Variants in MYO18B observed in about 807,000 individuals in gnomAD.
MYO18B encodes the protein unconventional myosin-XVIIIb.
MYO18B carries 204 observed loss-of-function variants against 273.0 expected under a neutral mutation model. The observed-to-expected ratio is 0.75, with a 90% CI of 0.67 to 0.84. The LOEUF (loss-of-function observed/expected upper bound fraction) is 0.84, where lower values mean the gene tolerates loss of function less well. MYO18B is among the 40% of genes least tolerant of loss of function. The probability of loss-of-function intolerance (pLI) is 0.00; values close to 1 mark genes in which losing one functional copy is unlikely to be tolerated. For synonymous variants in MYO18B, 1,330 were observed against 1,305.7 expected (o/e 1.02, Z -0.40); for missense variants, 3,212 against 3,287.6 (o/e 0.98, Z 0.56).
chr22:25,760,538 T>A (rs133873), intron 1 of MYO18B, among the ~76,000 whole-genome samples: 51,211 of 151,618 alleles, frequency 0.34, 10,271 homozygotes, highest in East Asian at 0.71. Context: ...GCTACAAGGC[T>A]TTTCCTAAGC....
intron 21 of MYO18B, among the ~76,000 whole-genome samples, chr22:25,866,674 G>A (rs12166783): frequency 0.2 from 30,015 of 149,926 alleles, 3,465 homozygotes; most frequent in East Asian, 0.39. Context: ...CCTCGTCTCT[G>A]TGAAAAATAC....
At chr22:25,857,613 C>G (rs1323232752) in intron 21 of MYO18B, among the ~76,000 whole-genome samples, 1 of 152,192 alleles carries the variant, frequency 6.6e-6, no homozygotes, top group African/African-American at 2.4e-5. Context: ...TTCATCATCC[C>G]TTTCTTGTTC....
the MYO18B span, among the ~76,000 whole-genome samples, chr22:26,037,306 C>T: frequency 6.6e-6 from 1 of 152,154 alleles, no homozygotes; most frequent in East Asian, 1.9e-4. Context: ...GAGAGGAGAC[C>T]CTATCTTTAG....
intron 42 of MYO18B, among the ~76,000 whole-genome samples, chr22:26,005,717 T>C (rs1048180490): frequency 6.6e-6 from 1 of 152,192 alleles, no homozygotes; most frequent in Admixed American, 6.5e-5. Flanking sequence ...ACTGGAAAAA[T>C]CACAGACTCA....
chr22:25,985,327 C>G lies in MYO18B; in HGVS notation c.6157-7036C>G, dbSNP rs960338466. Among the ~76,000 whole-genome samples, 5 of 152,044 alleles carry G rather than the reference C, an allele frequency of 3.3e-5. No individual in the cohort carries two copies. In the East Asian group the frequency reaches 7.7e-4, roughly 24 times the overall value. On this transcript the variant is annotated intron_variant, in intron 39 of 43. Transcript: ENST00000335473. Reference sequence around the variant, plus strand: ...AGTGAGCTGAGATCGTGCCACCGCACTTCAGCCTAGGTGACAGAGCAAGAT... The same window carrying G: ...AGTGAGCTGAGATCGTGCCACCGCAGTTCAGCCTAGGTGACAGAGCAAGAT...
chr22:25,860,941 T>G (rs1862445918), intron 21 of MYO18B, among the ~76,000 whole-genome samples: 1 of 151,860 alleles, frequency 6.6e-6, no homozygotes, highest in Non-Finnish European at 1.5e-5. Flanking sequence ...CTGGCTGGAG[T>G]GCAGTGGCAC....
At chr22:25,848,568 A>C (rs1455399721) in intron 20 of MYO18B, among the ~76,000 whole-genome samples, 1 of 152,178 alleles carries the variant, frequency 6.6e-6, no homozygotes, top group Non-Finnish European at 1.5e-5. Flanking sequence ...CACCAGGTCC[A>C]CCTGGGGAGA....
intron 1 of MYO18B, among the ~76,000 whole-genome samples, chr22:25,757,004 TGAGCC>T (rs1478765945): frequency 3.3e-5 from 5 of 152,062 alleles, no homozygotes; most frequent in Admixed American, 3.3e-4. Context: ...GAGGTTGCAG[TGAGCC>T]GAGATCGTGC....
intron 38 of MYO18B, 117 bp from the exon 39 acceptor site, chr22:25,955,062 T>C (rs1246891612): frequency 1.8e-6 from 2 of 1,106,100 alleles, no homozygotes; most frequent in Non-Finnish European, 1.3e-6. Context: ...ATCAGTATTC[T>C]TATCCTGATT....
At chr22:26,050,778 G>A in the MYO18B span, among the ~76,000 whole-genome samples, 581 of 152,276 alleles carry the variant, frequency 3.8e-3, 8 homozygotes, top group South Asian at 0.051. Context: ...AGTGGCAGGC[G>A]CATAGAAAAT....
intron 1 of MYO18B, among the ~76,000 whole-genome samples, chr22:25,750,309 G>A (rs1345672590): frequency 6.6e-6 from 1 of 152,184 alleles, no homozygotes; most frequent in African/African-American, 2.4e-5. Flanking sequence ...TCTCCTACTA[G>A]TGGATGATTC....
At chr22:25,901,006 A>G (rs1401120400) in intron 29 of MYO18B, 6 of 152,242 alleles carry the variant, frequency 3.9e-5, no homozygotes, top group Non-Finnish European at 2.9e-5. Flanking sequence ...TGTAAGGACG[A>G]CATGGATCCC....
At chr22:25,871,784 C>CA (rs201903279) in intron 22 of MYO18B, among the ~76,000 whole-genome samples, 19 of 150,656 alleles carry the variant, frequency 1.3e-4, no homozygotes, top group African/African-American at 1.7e-4. Context: ...TCTTAAAAGG[C>CA]AAAAAAAACA....
chr22:25,856,579 T>C (rs2090580929), intron 21 of MYO18B, among the ~76,000 whole-genome samples: 1 of 152,140 alleles, frequency 6.6e-6, no homozygotes, highest in East Asian at 1.9e-4. Context: ...AGGGAAGACA[T>C]TTCAGAAGTA....
Position 25,851,553 on chromosome 22 carries a change from A to C in MYO18B, c.3859A>C (p.Thr1287Pro), listed in dbSNP as rs1284938398. The change falls in exon 21 of 44, where the codon ACC becomes CCC. Residue 1287 changes from threonine (T) to proline (P), a missense_variant. Physicochemically the swap from Thr to Pro is conservative, Grantham distance 38. Transcript: ENST00000335473. ...DAPLLKKLMS[T>P]SEGIDERKAV... is the part of the protein sequence containing the mutation. ...TCCACTCCTGAAGAAGCTCATGTCG[A>C]CCTCCGAGGGAATAGATGAAAGGAA... is the stretch of plus-strand genomic sequence containing the variant. 1.3e-6 allele frequency: 2 copies of C among 1,558,652 alleles called. No individual in the cohort carries two copies. The highest frequency in any genetic ancestry group is 1.7e-6 in the Non-Finnish European group (2 of 1,150,970).
chr22:25,998,435 T>G (rs530718419), intron 40 of MYO18B, among the ~76,000 whole-genome samples: 1 of 152,288 alleles, frequency 6.6e-6, no homozygotes, highest in South Asian at 2.1e-4. Context: ...CGGCTGAAAG[T>G]GCATAAGTAC....
intron 1 of MYO18B, among the ~76,000 whole-genome samples, chr22:25,753,017 C>T (rs982436962): frequency 1.3e-5 from 2 of 152,230 alleles, no homozygotes; most frequent in African/African-American, 4.8e-5. Flanking sequence ...CGAATTCTCA[C>T]CGTGCCTCAG....
intron 15 of MYO18B, among the ~76,000 whole-genome samples, chr22:25,829,201 C>T (rs182980762): frequency 3.3e-5 from 5 of 152,350 alleles, no homozygotes; most frequent in South Asian, 4.1e-4. Flanking sequence ...CCAAGGAACT[C>T]GGGCTTCCCC....
intron 15 of MYO18B, among the ~76,000 whole-genome samples, chr22:25,831,695 A>T (rs1316050036): frequency 6.6e-6 from 1 of 152,068 alleles, no homozygotes; most frequent in African/African-American, 2.4e-5. Context: ...TGGTGACATG[A>T]TTGTGGCAAC....
Sources: allele counts gnomAD v4.1 joint callset (sites outside exome capture counted in the v4.1 genomes callset), GRCh38; gene constraint gnomAD v4.1.1; transcripts MANE v1.5; gene names NCBI Gene and HGNC (gene_info 2026-07-23, HGNC 2026-07-21).